The following NEDD4L variants were observed in gnomAD, a reference collection of about 807,000 sequenced individuals.
The protein encoded by NEDD4L is NEDD4 like E3 ubiquitin protein ligase.
Under a neutral mutation model 148.9 loss-of-function variants are expected in NEDD4L, and 54 were observed. That is an observed-to-expected ratio of 0.36 (90% CI 0.29 to 0.45). The LOEUF is 0.45. NEDD4L is among the 20% of genes least tolerant of loss of function. The pLI, the probability that NEDD4L is intolerant of heterozygous loss-of-function variation, is 1.00. For synonymous variants in NEDD4L, 433 were observed against 440.7 expected (o/e 0.98, Z 0.22); for missense variants, 856 against 1,233.8 (o/e 0.69, Z 4.59).
intron 16 of NEDD4L, among the ~76,000 whole-genome samples, chr18:58,346,408 G>A (rs993313376): frequency 6.6e-6 from 1 of 152,208 alleles, no homozygotes; most frequent in African/African-American, 2.4e-5. Context: ...AGCATTATGG[G>A]TGAGGGATGT....
intron 5 of NEDD4L, among the ~76,000 whole-genome samples, chr18:58,254,408 CCTTTT>C (rs2048265740): frequency 6.6e-6 from 1 of 151,898 alleles, no homozygotes; most frequent in Non-Finnish European, 1.5e-5. Flanking sequence ...GTGCACTTTT[CCTTTT>C]ATTTCTTAGG....
chr18:58,351,011 T>G lies in NEDD4L; in HGVS notation c.1674T>G (p.Ile558Met), dbSNP rs2043812443. ...ACTAGCCTGGCTGGGAAGAAAGAAT[T>G]CACTTGGATGGCCGAACGTTTTATA... is the stretch of plus-strand genomic sequence containing the variant. The part of the protein sequence containing the change: ...GPLPPGWEER[I>M]HLDGRTFYID... Residue 558 changes from isoleucine to methionine, a missense_variant, in exon 18 of 31, where the codon ATT becomes ATG. Physicochemically the swap from Ile to Met is conservative, Grantham distance 10. This residue lies in a region of NEDD4L where 286 missense variants were observed against 531.8 expected (regional missense o/e 0.54). Coordinates refer to ENST00000400345, the MANE Select transcript of NEDD4L (RefSeq NM_001144967.3). The G allele has an allele frequency of 1.9e-6, 3 of 1,594,506 alleles. No homozygotes were observed. The highest frequency in any genetic ancestry group is 2.6e-6 in the Non-Finnish European group (3 of 1,169,778).
intron 16 of NEDD4L, among the ~76,000 whole-genome samples, chr18:58,346,434 A>G (rs183772180): frequency 2.0e-5 from 3 of 152,268 alleles, no homozygotes; most frequent in Admixed American, 2.0e-4. Context: ...GCATATTAGT[A>G]TATTTGTGCC....
chr18:58,332,792 G>T (rs958913195), intron 11 of NEDD4L, among the ~76,000 whole-genome samples: 1 of 152,166 alleles, frequency 6.6e-6, no homozygotes, highest in Non-Finnish European at 1.5e-5. Context: ...TGAACTTGCC[G>T]ATAAGGAGAC....
intron 1 of NEDD4L, among the ~76,000 whole-genome samples, chr18:58,156,274 G>A (rs772081880): frequency 6.6e-6 from 1 of 152,078 alleles, no homozygotes; most frequent in Non-Finnish European, 1.5e-5. Context: ...TTGGGACTTC[G>A]GATACCCCCT....
chr18:58,364,887 A>T (rs1022660645), intron 20 of NEDD4L, among the ~76,000 whole-genome samples: 1 of 152,276 alleles, frequency 6.6e-6, no homozygotes, highest in African/African-American at 2.4e-5. Context: ...ATTTTAAATT[A>T]TAACATTGCA....
At chr18:58,139,513 A>G (rs773149651) in intron 1 of NEDD4L, among the ~76,000 whole-genome samples, 8 of 152,256 alleles carry the variant, frequency 5.3e-5, no homozygotes, top group Non-Finnish European at 8.8e-5. Context: ...TCAGAAAAAT[A>G]TATTTAAAAT....
chr18:58,352,263 G>A (rs9675944), intron 18 of NEDD4L, among the ~76,000 whole-genome samples: 57,843 of 151,968 alleles, frequency 0.38, 12,698 homozygotes, highest in African/African-American at 0.61. Context: ...GTATGTGTAT[G>A]CCCTACTTTT....
chr18:58,213,593 G>T (rs539044337), intron 2 of NEDD4L, among the ~76,000 whole-genome samples: 1 of 152,332 alleles, frequency 6.6e-6, no homozygotes, highest in Non-Finnish European at 1.5e-5. Flanking sequence ...GGTTAATGTG[G>T]AATGGTGGGA....
chr18:58,105,873 C>CA (rs1568223440), intron 1 of NEDD4L, among the ~76,000 whole-genome samples: 7 of 152,286 alleles, frequency 4.6e-5, no homozygotes, highest in African/African-American at 1.4e-4. Context: ...GGGTCATAGT[C>CA]TGTGATGGTG....
chr18:58,152,332 G>A (rs1231280648), intron 1 of NEDD4L, among the ~76,000 whole-genome samples: 1 of 152,130 alleles, frequency 6.6e-6, no homozygotes, highest in Non-Finnish European at 1.5e-5. Flanking sequence ...AGCATTGCTG[G>A]CTCCGAGAGA....
chr18:58,045,356 C>A (rs961915775), intron 1 of NEDD4L: 3 of 389,416 alleles, frequency 7.7e-6, no homozygotes, highest in African/African-American at 6.2e-5. Flanking sequence ...GGGGAGGAAG[C>A]TTGCAGCCCT....
At chr18:58,163,618 G>A (rs2036494829) in intron 1 of NEDD4L, among the ~76,000 whole-genome samples, 1 of 152,194 alleles carries the variant, frequency 6.6e-6, no homozygotes, top group African/African-American at 2.4e-5. Flanking sequence ...TTGAAAGTAG[G>A]CCATGTTTGA....
intron 1 of NEDD4L, among the ~76,000 whole-genome samples, chr18:58,160,128 A>G (rs139477666): frequency 1.3e-5 from 2 of 152,346 alleles, no homozygotes; most frequent in East Asian, 3.9e-4. Flanking sequence ...CTTGAAATTT[A>G]TTTTACTACA....
At chr18:58,149,376 A>C in intron 1 of NEDD4L, 1 of 1,438,132 alleles carries the variant, frequency 7.0e-7, no homozygotes, top group Non-Finnish European at 9.2e-7. Context: ...CTTTCCTGGG[A>C]GTCAAGTTAA....
chr18:58,058,518 T>G (rs1197663436), intron 1 of NEDD4L, among the ~76,000 whole-genome samples: 2 of 152,216 alleles, frequency 1.3e-5, no homozygotes, highest in Non-Finnish European at 2.9e-5. Flanking sequence ...ATCTTCTCTT[T>G]GATACAAAAT....
chr18:58,252,730 AT>A (rs1000017176), intron 5 of NEDD4L, among the ~76,000 whole-genome samples: 10 of 151,820 alleles, frequency 6.6e-5, no homozygotes, highest in African/African-American at 2.2e-4. Context: ...ATTGTTTTTA[AT>A]TTTTTTTAGA....
At chr18:58,346,552 C>G (rs189622262) in intron 16 of NEDD4L, among the ~76,000 whole-genome samples, 28 of 152,250 alleles carry the variant, frequency 1.8e-4, no homozygotes, top group Admixed American at 3.3e-4. Context: ...ACTTATTACT[C>G]TAGGTGTGGT....
intron 2 of NEDD4L, among the ~76,000 whole-genome samples, chr18:58,212,285 T>G (rs541841566): frequency 6.6e-6 from 1 of 151,922 alleles, no homozygotes; most frequent in East Asian, 2.0e-4. Flanking sequence ...ACTCACTGTA[T>G]TAGTTCTCAT....
Sources: gnomAD v4.1 joint callset for allele counts (sites outside exome capture counted in the v4.1 genomes callset) on GRCh38, gnomAD v4.1.1 for gene constraint, gnomAD v4.1.1 regional missense constraint, MANE v1.5 for transcripts, NCBI Gene and HGNC (gene_info 2026-07-23, HGNC 2026-07-21) for gene names.